KIDINS220: variants seen among roughly 807,000 people sequenced by gnomAD.
KIDINS220 encodes the protein kinase D-interacting substrate of 220 kDa.
In KIDINS220, 63 loss-of-function variants were observed where a neutral mutation model predicts 157.6. The observed-to-expected ratio is 0.40, with a 90% CI of 0.33 to 0.49. The LOEUF (loss-of-function observed/expected upper bound fraction) is 0.49. Among genes scored for constraint, KIDINS220 ranks in the 20% least tolerant of loss-of-function variants. The pLI is 0.66. For synonymous variants in KIDINS220, 732 were observed against 783.6 expected, an observed-to-expected ratio of 0.93 and a Z score of 1.10; for missense variants, 1,772 against 2,171.2, an observed-to-expected ratio of 0.82 and a Z score of 3.65.
intron 17 of KIDINS220, among the ~76,000 whole-genome samples, chr2:8,785,296 A>G (rs569327769): frequency 6.6e-6 from 1 of 152,252 alleles, no homozygotes; most frequent in African/African-American, 2.4e-5. Context: ...AGCACAGAAG[A>G]TTTTGAGGGC....
rs777469645 is a variant in KIDINS220, at chr2:8,802,970, T to A, written c.761A>T (p.Asp254Val). 6.2e-7 allele frequency: 1 copy of A among 1,613,970 alleles called. No homozygotes were observed. Among genetic ancestry groups the A allele is most frequent in the East Asian group, 2.2e-5 (1 of 44,868 alleles). ...SKEGHTEIVQ[D>V]LLDAGTYVNI... ...CACATATGTTCCAGCGTCGAGCAGA[T>A]CCTGCACAATCTCCGTATGTCCCTC... Residue 254 changes from aspartate to valine, a missense_variant, in exon 8 of 30, where the codon GAT becomes GTT. Around this residue, in one of 3 missense-constraint regions of KIDINS220, gnomAD observed 725 missense variants for 1,017.1 expected, o/e 0.71. Transcript: ENST00000256707.
chr2:8,744,135 G>T (rs1666016680), intron 26 of KIDINS220, among the ~76,000 whole-genome samples: 3 of 141,862 alleles, frequency 2.1e-5, no homozygotes, highest in Admixed American at 7.2e-5. Flanking sequence ...ATATAAATAT[G>T]TTATATATTA....
chr2:8,809,316 C>T (rs901615756), intron 6 of KIDINS220, among the ~76,000 whole-genome samples: 4 of 152,008 alleles, frequency 2.6e-5, no homozygotes, highest in South Asian at 4.2e-4. Flanking sequence ...CCACTGCACT[C>T]GGCCACCTAT....
intron 26 of KIDINS220, among the ~76,000 whole-genome samples, chr2:8,744,402 ATATATATATATAT>A (rs1558328743): frequency 0.016 from 56 of 3,394 alleles, 1 homozygote; most frequent in East Asian, 0.087. Flanking sequence ...TATATATATA[ATATATATATATAT>A]ATATATATAT....
chr2:8,805,927 C>T (rs1184790903), intron 7 of KIDINS220, among the ~76,000 whole-genome samples: 1 of 152,164 alleles, frequency 6.6e-6, no homozygotes, highest in African/African-American at 2.4e-5. Flanking sequence ...ATGATGTTCC[C>T]ACAATGGCAA....
intron 15 of KIDINS220, 78 bp from the exon 16 acceptor site, chr2:8,786,435 C>T: frequency 9.4e-7 from 1 of 1,067,844 alleles, no homozygotes; most frequent in South Asian, 1.6e-5. Flanking sequence ...ATCTTTGCAT[C>T]ACTTACCCTT....
chr2:8,775,454 G>A (rs115129822), intron 21 of KIDINS220, among the ~76,000 whole-genome samples: 4,481 of 152,254 alleles, frequency 0.029, 112 homozygotes, highest in Non-Finnish European at 0.046. Context: ...AAATCCAGTC[G>A]GTGTGGCATT....
rs770054123 is a variant in KIDINS220 at position 8,826,942 on chromosome 2, ACAAATATTTGTGAAAGAATGTAATTT to A, written c.108+18_108+43del. 1 of 1,131,480 alleles carries A rather than the reference ACAAATATTTGTGAAAGAATGTAATTT, an allele frequency of 8.8e-7. No homozygotes were observed. The allele number at this position is 1,131,480 out of a possible 1,614,324, so 70.1% of individuals were successfully genotyped here. A position where few individuals can be genotyped will look rare whatever the true frequency, so the allele number is the denominator to read the frequency against. ...CTATCCTATACATAGCAGGCAGTCAACAAATATTTGTGAAAGAATGTAATTTTGCAAACTTGGTCTTACCTCATTTC... is the reference window on the plus strand; with the variant it reads ...CTATCCTATACATAGCAGGCAGTCAATGCAAACTTGGTCTTACCTCATTTC... On this transcript the variant is annotated intron_variant, in intron 2 of 29. Transcript: ENST00000256707.
In KIDINS220 at chr2:8,790,531, T is replaced by C. The variant is rs543863782; in HGVS notation, c.1442-472A>G. 1.4e-3 allele frequency among the ~76,000 whole-genome samples: 219 copies of C among 152,324 alleles called. 2 individuals carry two copies. The highest frequency in any genetic ancestry group is 5.0e-3 in the African/African-American group (208 of 41,578). ...TGAGAATACTGTTCTTAAAGGTGCA[T>C]GTTGAGCCCAATGGAGTCCCACACA... On this transcript the variant is annotated intron_variant, in intron 13 of 29. Coordinates refer to ENST00000256707, the MANE Select transcript of KIDINS220 (RefSeq NM_020738.4).
intron 1 of KIDINS220, among the ~76,000 whole-genome samples, chr2:8,835,134 C>T (rs528351554): frequency 1.3e-5 from 2 of 152,338 alleles, no homozygotes; most frequent in African/African-American, 4.8e-5. Flanking sequence ...CAGGTGTGAG[C>T]CTGCATGCCC....
At chr2:8,777,324 G>A (rs1671101780) in intron 20 of KIDINS220, among the ~76,000 whole-genome samples, 1 of 152,080 alleles carries the variant, frequency 6.6e-6, no homozygotes, top group African/African-American at 2.4e-5. Flanking sequence ...TGTTAGACAG[G>A]GTCTCTCTCT....
chr2:8,745,734 G>T (rs562978107), intron 26 of KIDINS220, among the ~76,000 whole-genome samples: 18 of 152,290 alleles, frequency 1.2e-4, no homozygotes, highest in African/African-American at 4.1e-4. Flanking sequence ...AGAAGGCTGA[G>T]GTTGCAGTGA....
At chr2:8,759,564 A>G (rs1004861550) in intron 22 of KIDINS220, among the ~76,000 whole-genome samples, 1 of 148,954 alleles carries the variant, frequency 6.7e-6, no homozygotes, top group African/African-American at 2.5e-5. Context: ...TTAAGGCTGC[A>G]ATTCTGGCAA....
chr2:8,727,311 G>A (rs1023996537), downstream of KIDINS220: 6 of 1,008,418 alleles, frequency 5.9e-6, no homozygotes, highest in African/African-American at 1.0e-4. Context: ...TGCTCAGTCT[G>A]GAGTGCTGGC....
At position 8,765,239 on chromosome 2, in the gene KIDINS220, T is replaced by A. The variant is rs190747698; in HGVS notation, c.3011+5431A>T. Among the ~76,000 whole-genome samples the A allele has an allele frequency of 3.6e-3, 548 of 152,330 alleles. 2 individuals carry two copies. The highest frequency in any genetic ancestry group is 0.012 in the African/African-American group (516 of 41,568). On this transcript the variant is annotated intron_variant, in intron 22 of 29. Transcript: ENST00000256707. Reference sequence around the variant, plus strand: ...ATATCCTTTTGTCTTTAGAGCCCAATTTGATATGCACAGACCATCATTTGC... The same window carrying A: ...ATATCCTTTTGTCTTTAGAGCCCAAATTGATATGCACAGACCATCATTTGC...
At chr2:8,740,521 G>A (rs1220611646) in intron 26 of KIDINS220, among the ~76,000 whole-genome samples, 4 of 152,284 alleles carry the variant, frequency 2.6e-5, no homozygotes, top group Non-Finnish European at 4.4e-5. Flanking sequence ...GTCAATATTC[G>A]TAATATATGC....
chr2:8,811,319 C>T (rs1428022491), intron 6 of KIDINS220, among the ~76,000 whole-genome samples: 1 of 151,772 alleles, frequency 6.6e-6, no homozygotes, highest in Non-Finnish European at 1.5e-5. Flanking sequence ...AAGAGCAGTC[C>T]TTATCTTCAT....
chr2:8,836,236 T>A (rs1366570510), intron 1 of KIDINS220, among the ~76,000 whole-genome samples: 1 of 151,180 alleles, frequency 6.6e-6, no homozygotes, highest in African/African-American at 2.4e-5. Context: ...AAGAGCAGAC[T>A]TTTCTCTACT....
rs929156465 is a variant in KIDINS220, at chr2:8,731,104, G to A, written c.4932C>T (p.Ser1644=). The A allele has an allele frequency of 6.2e-7, 1 of 1,614,064 alleles. No homozygotes were observed. Among genetic ancestry groups the A allele is most frequent in the African/African-American group, 1.3e-5 (1 of 74,926 alleles). ...GLQDPIIARM[S]ICSEDKKSPS... ...GGCTTTTCTTGTCTTCTGAACAAATGGACATCCGAGCTATAATTGGATCTT... is the reference window on the plus strand; with the variant it reads ...GGCTTTTCTTGTCTTCTGAACAAATAGACATCCGAGCTATAATTGGATCTT... The change falls in exon 30 of 30, where the codon TCC becomes TCT. Residue 1644 remains serine (S), a synonymous_variant. Transcript: ENST00000256707. This position sits in a 1 kb window ranked among gnomAD's most constrained non-coding sequence, Gnocchi z 5.2.
Sources: gnomAD v4.1 joint callset for allele counts (sites outside exome capture counted in the v4.1 genomes callset) on GRCh38, gnomAD v4.1.1 for gene constraint, gnomAD v4.1.1 regional missense constraint, Gnocchi (gnomAD v3.1) non-coding constraint, MANE v1.5 for transcripts, NCBI Gene and HGNC (gene_info 2026-07-23, HGNC 2026-07-21) for gene names.